LRP1B: variants seen among roughly 807,000 people sequenced by gnomAD.
LRP1B encodes the protein low-density lipoprotein receptor-related protein 1B.
LRP1B carries 217 observed loss-of-function variants against 556.6 expected under a neutral mutation model. The observed-to-expected ratio is 0.39, with a 90% CI of 0.35 to 0.44. The LOEUF is 0.44. Ranked by LOEUF, LRP1B falls within the 20% of genes least tolerant of loss-of-function variation. The pLI is 1.00. For synonymous variants in LRP1B, 2,047 were observed against 1,865.8 expected (o/e 1.10, Z -2.50); for missense variants, 5,053 against 5,620.8 (o/e 0.90, Z 3.23).
intron 2 of LRP1B, among the ~76,000 whole-genome samples, chr2:141,563,339 T>C (rs557868715): frequency 1.3e-5 from 2 of 152,014 alleles, no homozygotes; most frequent in Non-Finnish European, 2.9e-5. Flanking sequence ...GAAGTGAGAT[T>C]GGAAATAAAT....
chr2:141,666,741 G>A (rs1004755510), intron 2 of LRP1B, among the ~76,000 whole-genome samples: 1 of 152,134 alleles, frequency 6.6e-6, no homozygotes, highest in Admixed American at 6.5e-5. Context: ...TCTACTCATA[G>A]TCAGGTTTCT....
chr2:140,259,876 G>T (rs915501120), intron 86 of LRP1B, among the ~76,000 whole-genome samples: 3 of 151,826 alleles, frequency 2.0e-5, no homozygotes, highest in Admixed American at 6.6e-5. Flanking sequence ...ATGAAATATG[G>T]AATATCATAG....
chr2:141,641,579 C>T (rs1210723463), intron 2 of LRP1B, among the ~76,000 whole-genome samples: 2 of 152,154 alleles, frequency 1.3e-5, no homozygotes, highest in East Asian at 3.9e-4. Flanking sequence ...AAATGCAATG[C>T]TATAACTCTA....
intron 3 of LRP1B, among the ~76,000 whole-genome samples, chr2:141,455,745 T>C (rs7607295): frequency 0.026 from 4,030 of 152,286 alleles, 190 homozygotes; most frequent in African/African-American, 0.092. Context: ...AGTACTCTGC[T>C]AGGCATCAGA....
intron 41 of LRP1B, among the ~76,000 whole-genome samples, chr2:140,665,008 A>G (rs1263989209): frequency 3.9e-5 from 6 of 152,256 alleles, no homozygotes; most frequent in Admixed American, 1.3e-4. Flanking sequence ...AATTAAGGCT[A>G]TTTGATAGGA....
intron 66 of LRP1B, among the ~76,000 whole-genome samples, chr2:140,411,416 A>AAT: frequency 6.6e-6 from 1 of 152,226 alleles, no homozygotes; most frequent in South Asian, 2.1e-4. Context: ...CAAATTTTCA[A>AAT]ATATATATAC....
chr2:140,246,449 CTG>C (rs1206054294), intron 87 of LRP1B, among the ~76,000 whole-genome samples: 1 of 151,238 alleles, frequency 6.6e-6, no homozygotes, highest in Middle Eastern at 3.2e-3. Flanking sequence ...TTGTCAGAAA[CTG>C]TACACAGACA....
chr2:141,283,755 C>A (rs1481040258), intron 3 of LRP1B, among the ~76,000 whole-genome samples: 1 of 150,136 alleles, frequency 6.7e-6, no homozygotes, highest in East Asian at 2.0e-4. Context: ...CCCACCACAT[C>A]CGGCTAATTT....
intron 2 of LRP1B, among the ~76,000 whole-genome samples, chr2:141,495,704 T>G (rs903846769): frequency 6.6e-6 from 1 of 152,034 alleles, no homozygotes; most frequent in African/African-American, 2.4e-5. Context: ...CCTTTAAAGA[T>G]TTGAGTATGT....
At chr2:141,415,374 G>A (rs1460116148) in intron 3 of LRP1B, among the ~76,000 whole-genome samples, 1 of 151,904 alleles carries the variant, frequency 6.6e-6, no homozygotes, top group Non-Finnish European at 1.5e-5. Flanking sequence ...CACCAAAAAT[G>A]ACTTTTCTAT....
chr2:140,765,289 G>A (rs2104924671), intron 35 of LRP1B, among the ~76,000 whole-genome samples: 1 of 152,226 alleles, frequency 6.6e-6, no homozygotes, highest in Admixed American at 6.6e-5. Flanking sequence ...TTTTACAGAT[G>A]AATAATTATT....
intron 3 of LRP1B, among the ~76,000 whole-genome samples, chr2:141,269,675 G>A (rs1357690500): frequency 6.6e-6 from 1 of 152,086 alleles, no homozygotes; most frequent in East Asian, 1.9e-4. Flanking sequence ...CCCCACTGTG[G>A]AAGGAAAGGT....
chr2:141,414,237 CA>C (rs775634408), intron 3 of LRP1B, among the ~76,000 whole-genome samples: 2,471 of 35,368 alleles, frequency 0.07, 37 homozygotes, highest in South Asian at 0.15. Flanking sequence ...GACTCTATCT[CA>C]AAAAAAAAAA....
intron 1 of LRP1B, among the ~76,000 whole-genome samples, chr2:142,077,355 G>A (rs1407692652): frequency 1.3e-5 from 2 of 152,080 alleles, no homozygotes; most frequent in East Asian, 3.9e-4. Flanking sequence ...GCATTCTTTA[G>A]GAAGGGACTA....
At chr2:142,116,044 C>G (rs898229434) in intron 1 of LRP1B, among the ~76,000 whole-genome samples, 14 of 146,264 alleles carry the variant, frequency 9.6e-5, no homozygotes, top group Non-Finnish European at 7.5e-5. Flanking sequence ...GGTGAAATGT[C>G]TATCTCTACT....
chr2:140,528,522 G>A (rs957437349), intron 47 of LRP1B, among the ~76,000 whole-genome samples: 3 of 151,778 alleles, frequency 2.0e-5, no homozygotes, highest in Admixed American at 1.3e-4. Flanking sequence ...AATAACAATA[G>A]GGCTAATGAA....
chr2:140,709,625 T>C (rs183456136), intron 37 of LRP1B, among the ~76,000 whole-genome samples: 148 of 152,230 alleles, frequency 9.7e-4, no homozygotes, highest in African/African-American at 3.3e-3. Context: ...CTCTATTGTT[T>C]AAAAACAGGA....
intron 5 of LRP1B, among the ~76,000 whole-genome samples, chr2:141,246,689 G>A (rs911843316): frequency 2.6e-5 from 4 of 152,294 alleles, no homozygotes; most frequent in African/African-American, 9.6e-5. Flanking sequence ...AATAGGCTGG[G>A]CACTGCGGCT....
chr2:142,090,765 A>G (rs901273554), intron 1 of LRP1B, among the ~76,000 whole-genome samples: 1 of 152,132 alleles, frequency 6.6e-6, no homozygotes, highest in Non-Finnish European at 1.5e-5. Context: ...GGGAAATTTC[A>G]TCTTCTAAAA....
Sources: gnomAD v4.1 joint callset for allele counts (sites outside exome capture counted in the v4.1 genomes callset) on GRCh38, gnomAD v4.1.1 for gene constraint, MANE v1.5 for transcripts, NCBI Gene and HGNC (gene_info 2026-07-23, HGNC 2026-07-21) for gene names.